PLSCR2: variants seen among roughly 807,000 people sequenced by gnomAD.
The protein encoded by PLSCR2 is phospholipid scramblase 2.
A neutral mutation model predicts 25.3 loss-of-function variants in PLSCR2; 18 were observed. The observed-to-expected ratio is 0.71, with a 90% CI of 0.49 to 1.06. The LOEUF is 1.06. Ranked by LOEUF, PLSCR2 falls within the 50% of genes least tolerant of loss-of-function variation. The pLI is 0.00. For synonymous variants in PLSCR2, 88 were observed against 87.3 expected, an observed-to-expected ratio of 1.01 and a Z score of -0.04; for missense variants, 243 against 269.5, an observed-to-expected ratio of 0.90 and a Z score of 0.69.
chr3:146,483,444 CA>C (rs1560054685), intron 1 of PLSCR2, among the ~76,000 whole-genome samples: 2 of 43,736 alleles, frequency 4.6e-5, no homozygotes, highest in African/African-American at 1.9e-4. Flanking sequence ...TATATATATA[CA>C]CATGTATGTA....
chr3:146,399,862 T>C (rs1279478055), intron 2 of PLSCR2, among the ~76,000 whole-genome samples: 1 of 151,614 alleles, frequency 6.6e-6, no homozygotes, highest in Non-Finnish European at 1.5e-5. Context: ...ATATAAGTAT[T>C]ACCCATTAAA....
intron 2 of PLSCR2, among the ~76,000 whole-genome samples, chr3:146,407,086 A>G (rs2038681341): frequency 6.6e-6 from 1 of 152,198 alleles, no homozygotes; most frequent in Non-Finnish European, 1.5e-5. Context: ...TAGGGCTAAA[A>G]GAAGGAGACT....
At chr3:146,440,828 G>A (rs1438349889), downstream of PLSCR2, among the ~76,000 whole-genome samples, 1 of 152,054 alleles carries the variant, frequency 6.6e-6, no homozygotes, top group East Asian at 1.9e-4. Context: ...TTTACTTTAG[G>A]AATTTGATTT....
At chr3:146,466,078 C>CTA (rs1379607412) in intron 1 of PLSCR2, among the ~76,000 whole-genome samples, 1 of 152,192 alleles carries the variant, frequency 6.6e-6, no homozygotes, top group Non-Finnish European at 1.5e-5. Context: ...GGGAGTTTTA[C>CTA]TATAAAAATC....
At chr3:146,479,987 C>A (rs1161805585) in intron 1 of PLSCR2, among the ~76,000 whole-genome samples, 1 of 152,136 alleles carries the variant, frequency 6.6e-6, no homozygotes, top group Non-Finnish European at 1.5e-5. Flanking sequence ...TGAATGACTA[C>A]TGGGTAAATA....
chr3:146,400,456 A>G (rs1410534732), intron 2 of PLSCR2, among the ~76,000 whole-genome samples: 1 of 151,556 alleles, frequency 6.6e-6, no homozygotes, highest in Non-Finnish European at 1.5e-5. Context: ...AGTACTGAAA[A>G]TGACTGTTAC....
At chr3:146,463,915 C>T (rs1298102803), upstream of PLSCR2, 2 of 972,744 alleles carry the variant, frequency 2.1e-6, no homozygotes, top group African/African-American at 1.8e-5. Flanking sequence ...TAAGAATTCT[C>T]CAATTATAGT....
intron 1 of PLSCR2, among the ~76,000 whole-genome samples, chr3:146,486,623 G>A (rs1477898505): frequency 1.3e-5 from 2 of 151,934 alleles, no homozygotes; most frequent in African/African-American, 4.8e-5. Context: ...AAACCAGGAA[G>A]AAGTTGAATC....
intron 5 of PLSCR2, among the ~76,000 whole-genome samples, chr3:146,449,634 A>G (rs922188130): frequency 7.9e-6 from 1 of 125,848 alleles, no homozygotes; most frequent in African/African-American, 3.6e-5. Context: ...AGACATTAAT[A>G]TATGTTTTAT....
chr3:146,447,948 T>C (rs908626623), intron 6 of PLSCR2, among the ~76,000 whole-genome samples: 1 of 152,172 alleles, frequency 6.6e-6, no homozygotes, highest in African/African-American at 2.4e-5. Context: ...TGTTACTTTC[T>C]GTTATGACAG....
chr3:146,400,813 T>C (rs1357407000), intron 2 of PLSCR2, among the ~76,000 whole-genome samples: 1 of 151,864 alleles, frequency 6.6e-6, no homozygotes, highest in Non-Finnish European at 1.5e-5. Flanking sequence ...TGTATATACA[T>C]AGGTAGAACG....
intron 2 of PLSCR2, among the ~76,000 whole-genome samples, chr3:146,427,739 C>A (rs1461459242): frequency 6.6e-6 from 1 of 152,160 alleles, no homozygotes; most frequent in African/African-American, 2.4e-5. Flanking sequence ...ATTCCCAATA[C>A]TTAGTTTCTA....
chr3:146,444,215 A>AT (rs2040414572), intron 6 of PLSCR2, among the ~76,000 whole-genome samples: 1 of 152,032 alleles, frequency 6.6e-6, no homozygotes, highest in African/African-American at 2.4e-5. Flanking sequence ...CCATATGCTA[A>AT]TGAGATGAAT....
At chr3:146,407,035 G>A (rs1311903608) in intron 2 of PLSCR2, among the ~76,000 whole-genome samples, 1 of 152,186 alleles carries the variant, frequency 6.6e-6, no homozygotes, top group Non-Finnish European at 1.5e-5. Context: ...GATTTTAAAA[G>A]GTGACAACCT....
downstream of PLSCR2, among the ~76,000 whole-genome samples, chr3:146,433,091 A>G (rs1240856650): frequency 6.6e-6 from 1 of 152,068 alleles, no homozygotes; most frequent in African/African-American, 2.4e-5. Context: ...TCCAAAACCT[A>G]TTTTTTAATT....
At chr3:146,402,477 T>G (rs11917946) in intron 2 of PLSCR2, among the ~76,000 whole-genome samples, 6,235 of 152,236 alleles carry the variant, frequency 0.041, 176 homozygotes, top group Admixed American at 0.087. Context: ...GTGTTTTTTT[T>G]TTCTTTTTGA....
At chr3:146,464,853 G>T (rs548377282), upstream of PLSCR2, among the ~76,000 whole-genome samples, 1 of 152,284 alleles carries the variant, frequency 6.6e-6, no homozygotes, top group South Asian at 2.1e-4. Context: ...GGGAGAAATA[G>T]CACAGAGGAT....
At chr3:146,480,650 A>G (rs1014891622) in intron 1 of PLSCR2, among the ~76,000 whole-genome samples, 1 of 151,436 alleles carries the variant, frequency 6.6e-6, no homozygotes, top group East Asian at 1.9e-4. Context: ...AATTCTACCG[A>G]GGTACAAAGA....
upstream of PLSCR2, chr3:146,461,724 TAAGA>T (rs1305194962): frequency 1.6e-5 from 10 of 625,964 alleles, no homozygotes; most frequent in Non-Finnish European, 2.9e-5. Context: ...AGGAGAGTCA[TAAGA>T]AAGGAGGAGT....
Sources: allele counts gnomAD v4.1 joint callset (sites outside exome capture counted in the v4.1 genomes callset), GRCh38; gene constraint gnomAD v4.1.1; transcripts MANE v1.5; gene names NCBI Gene and HGNC (gene_info 2026-07-23, HGNC 2026-07-21).